The following CLVS1 variants were observed in gnomAD, a reference collection of about 807,000 sequenced individuals.
The protein encoded by CLVS1 is clavesin-1.
In CLVS1, 10 loss-of-function variants were observed where a neutral mutation model predicts 33.1. That is an observed-to-expected ratio of 0.30 (90% confidence interval 0.19 to 0.51). CLVS1 has a LOEUF of 0.51. CLVS1 is among the 20% of genes least tolerant of loss of function. The pLI is 0.97. For synonymous variants in CLVS1, 163 were observed against 166.1 expected (o/e 0.98, Z 0.14); for missense variants, 343 against 433.4 (o/e 0.79, Z 1.85).
chr8:61,450,539 C>T (rs1585991484), intron 3 of CLVS1, among the ~76,000 whole-genome samples: 1 of 152,100 alleles, frequency 6.6e-6, no homozygotes, highest in African/African-American at 2.4e-5. Flanking sequence ...GCCAACTGTT[C>T]GTCATGTAGT....
intron 2 of CLVS1, among the ~76,000 whole-genome samples, chr8:61,174,208 C>T (rs182733644): frequency 6.6e-6 from 1 of 152,080 alleles, no homozygotes; most frequent in East Asian, 1.9e-4. Context: ...TCCAGGCAAA[C>T]AAAAAAGCAG....
the CLVS1 span, among the ~76,000 whole-genome samples, chr8:60,980,452 T>G: frequency 6.6e-6 from 1 of 152,306 alleles, no homozygotes; most frequent in South Asian, 2.1e-4. Context: ...GCCCCAAAGA[T>G]ATCAGGTTCT....
chr8:61,017,157 C>T, the CLVS1 span, among the ~76,000 whole-genome samples: 10 of 152,200 alleles, frequency 6.6e-5, no homozygotes, highest in African/African-American at 2.4e-4. Context: ...GATTTTTGGG[C>T]TCAGCAGCCA....
At chr8:61,462,335 C>A (rs1418678319) in intron 5 of CLVS1, among the ~76,000 whole-genome samples, 1 of 152,132 alleles carries the variant, frequency 6.6e-6, no homozygotes, top group Non-Finnish European at 1.5e-5. Context: ...AAATCACTAT[C>A]TATGGTAGCT....
intron 2 of CLVS1, among the ~76,000 whole-genome samples, chr8:61,305,613 A>C (rs1219545936): frequency 2.6e-5 from 4 of 152,034 alleles, no homozygotes; most frequent in Non-Finnish European, 5.9e-5. Flanking sequence ...ACGTAGGTAA[A>C]CTTGTGTCAT....
intron 2 of CLVS1, among the ~76,000 whole-genome samples, chr8:61,250,364 T>G (rs906461303): frequency 1.3e-5 from 2 of 152,208 alleles, no homozygotes; most frequent in East Asian, 1.9e-4. Flanking sequence ...TGCCTTCAGC[T>G]TTGTTCTTTT....
intron 3 of CLVS1, among the ~76,000 whole-genome samples, chr8:61,381,107 T>G (rs1415002094): frequency 6.6e-6 from 1 of 152,146 alleles, no homozygotes; most frequent in Non-Finnish European, 1.5e-5. Flanking sequence ...CTAGCCATTC[T>G]GAACACTTGG....
intron 5 of CLVS1, among the ~76,000 whole-genome samples, chr8:61,472,438 G>GA (rs1285612490): frequency 6.6e-6 from 1 of 151,988 alleles, no homozygotes; most frequent in African/African-American, 2.4e-5. Context: ...GAGAAGAAAG[G>GA]AAAAATCGTG....
the CLVS1 span, among the ~76,000 whole-genome samples, chr8:60,969,715 AAC>A: frequency 1.3e-5 from 2 of 152,186 alleles, no homozygotes; most frequent in Non-Finnish European, 2.9e-5. Flanking sequence ...AATTAAATAT[AAC>A]ACACAGTCAG....
intron 1 of CLVS1, among the ~76,000 whole-genome samples, chr8:61,084,575 A>G (rs1372848872): frequency 6.6e-6 from 1 of 152,236 alleles, no homozygotes; most frequent in African/African-American, 2.4e-5. Flanking sequence ...CAAAAGGTCA[A>G]TCGTGCCAAG....
At chr8:61,048,884 T>C in the CLVS1 span, among the ~76,000 whole-genome samples, 1 of 152,110 alleles carries the variant, frequency 6.6e-6, no homozygotes, top group African/African-American at 2.4e-5. Context: ...CCTATGCACC[T>C]GAATCTTTGA....
chr8:61,295,464 G>C (rs1810161483), intron 1 of CLVS1, among the ~76,000 whole-genome samples: 1 of 152,162 alleles, frequency 6.6e-6, no homozygotes, highest in South Asian at 2.1e-4. Flanking sequence ...TTCCAATGAA[G>C]GAAGGAGGAA....
Position 61,232,023 on chromosome 8 carries a change from G to GTTTGTTTGTTTTTTTTT in CLVS1, c.-151-67651_-151-67650insGTTTGTTTTTTTTTTTT. Among the ~76,000 whole-genome samples, 12 of 62,622 alleles carry GTTTGTTTGTTTTTTTTT rather than the reference G, an allele frequency of 1.9e-4. 2 individuals are homozygous for GTTTGTTTGTTTTTTTTT. Among genetic ancestry groups the GTTTGTTTGTTTTTTTTT allele is most frequent in the African/African-American group, 5.7e-4 (12 of 21,088 alleles). 41.1% of individuals were successfully genotyped at this position (62,622 alleles called of 152,430 possible). ...AGAAGGAGCCCTGAGGAAAGTTGTG[G>GTTTGTTTGTTTTTTTTT]TTTTTTTTTTTTTTTTTTTTTTTTT... On this transcript the variant is annotated intron_variant, in intron 2 of 2. Transcript: ENST00000522621.
intron 3 of CLVS1, among the ~76,000 whole-genome samples, chr8:61,424,107 A>T (rs942854149): frequency 6.6e-6 from 1 of 152,124 alleles, no homozygotes; most frequent in Non-Finnish European, 1.5e-5. Context: ...ACACAGATAA[A>T]CCTGTTAGCA....
At chr8:61,262,316 G>C (rs1305513845) in intron 2 of CLVS1, among the ~76,000 whole-genome samples, 1 of 152,110 alleles carries the variant, frequency 6.6e-6, no homozygotes, top group Non-Finnish European at 1.5e-5. Flanking sequence ...GTGCTTGGCT[G>C]TCTTGTATTT....
the CLVS1 span, among the ~76,000 whole-genome samples, chr8:60,983,832 C>T: frequency 6.6e-6 from 1 of 152,200 alleles, no homozygotes; most frequent in East Asian, 1.9e-4. Flanking sequence ...GAACAATAAC[C>T]AGAGACCCCC....
At chr8:61,493,820 A>C (rs779568820) in intron 5 of CLVS1, among the ~76,000 whole-genome samples, 7 of 152,182 alleles carry the variant, frequency 4.6e-5, no homozygotes, top group Non-Finnish European at 8.8e-5. Flanking sequence ...TGGAATGATG[A>C]TGTTGGTCCT....
intron 1 of CLVS1, among the ~76,000 whole-genome samples, chr8:61,297,311 G>A (rs1435542666): frequency 5.9e-5 from 9 of 152,250 alleles, no homozygotes; most frequent in African/African-American, 9.6e-5. Context: ...GGCAGCAAGC[G>A]TATCAATAGG....
intron 2 of CLVS1, among the ~76,000 whole-genome samples, chr8:61,241,756 C>T (rs1056528181): frequency 7.2e-5 from 11 of 152,218 alleles, no homozygotes; most frequent in Admixed American, 3.3e-4. Context: ...TTACCATTTC[C>T]GAGTCCTTTT....
Sources: allele counts gnomAD v4.1 joint callset (sites outside exome capture counted in the v4.1 genomes callset), GRCh38; gene constraint gnomAD v4.1.1; transcripts MANE v1.5; gene names NCBI Gene and HGNC (gene_info 2026-07-23, HGNC 2026-07-21).